ARHGAP10: variants seen among roughly 807,000 people sequenced by gnomAD.
ARHGAP10 encodes the protein rho GTPase-activating protein 10.
A neutral mutation model predicts 108.6 loss-of-function variants in ARHGAP10; 87 were observed. The ratio of observed to expected loss-of-function variants is 0.80; its 90% CI spans 0.67 to 0.96. The LOEUF (loss-of-function observed/expected upper bound fraction) is 0.96. Among genes scored for constraint, ARHGAP10 ranks in the 40% least tolerant of loss-of-function variants. ARHGAP10 has a pLI of 0.00. For synonymous variants in ARHGAP10, 347 were observed against 341.1 expected (o/e 1.02, Z -0.19); for missense variants, 939 against 954.5 (o/e 0.98, Z 0.21).
At chr4:147,821,049 T>TA (rs1179253524) in intron 1 of ARHGAP10, among the ~76,000 whole-genome samples, 3 of 152,178 alleles carry the variant, frequency 2.0e-5, no homozygotes, top group Non-Finnish European at 2.9e-5. Context: ...CTCATGCATG[T>TA]ACAGGGCTGG....
chr4:147,804,553 G>T (rs1025488064), intron 1 of ARHGAP10, among the ~76,000 whole-genome samples: 2 of 152,114 alleles, frequency 1.3e-5, no homozygotes, highest in African/African-American at 2.4e-5. Context: ...TGGTAGTTCT[G>T]TTTTAAGTTG....
At chr4:148,028,232 C>T (rs965498743) in intron 19 of ARHGAP10, among the ~76,000 whole-genome samples, 5 of 151,936 alleles carry the variant, frequency 3.3e-5, no homozygotes, top group Admixed American at 6.6e-5. Flanking sequence ...AGCAGAGAGC[C>T]GGAGCCAGGT....
intron 1 of ARHGAP10, among the ~76,000 whole-genome samples, chr4:147,743,931 AAT>A (rs1728801446): frequency 6.6e-6 from 1 of 152,234 alleles, no homozygotes; most frequent in South Asian, 2.1e-4. Context: ...AAAAATTAAA[AAT>A]ATATTCAGTC....
intron 18 of ARHGAP10, among the ~76,000 whole-genome samples, chr4:148,013,644 C>T (rs972392365): frequency 6.6e-6 from 1 of 152,008 alleles, no homozygotes; most frequent in Non-Finnish European, 1.5e-5. Flanking sequence ...GCTGAGGTTG[C>T]GCCACTGCAC....
chr4:147,887,324 T>A (rs1023048387), intron 10 of ARHGAP10, among the ~76,000 whole-genome samples: 10 of 152,090 alleles, frequency 6.6e-5, no homozygotes, highest in Admixed American at 2.0e-4. Flanking sequence ...TTCCATTTCC[T>A]CTTCCCATCT....
rs185745364 is a variant in ARHGAP10, at chr4:148,008,254, A to G, written c.1717-15009A>G. Among the ~76,000 whole-genome samples, 4 of 152,140 alleles carry G rather than the reference A, an allele frequency of 2.6e-5. No individual in the cohort carries two copies. In the East Asian group the frequency reaches 7.7e-4, roughly 29 times the overall value. ...TTCCAACCTGCTGAAAGCATCTTGG[A>G]TGCACTTCTTGCTCAGGAAATTAAT... On this transcript the variant is annotated intron_variant, in intron 18 of 22. Transcript: ENST00000336498.
intron 1 of ARHGAP10, among the ~76,000 whole-genome samples, chr4:147,738,278 G>A (rs1483251850): frequency 6.6e-6 from 1 of 152,204 alleles, no homozygotes; most frequent in South Asian, 2.1e-4. Flanking sequence ...AGGGCTGGGC[G>A]CGGTGGCTCA....
At chr4:148,061,154 G>T (rs763332951) in intron 20 of ARHGAP10, among the ~76,000 whole-genome samples, 8 of 151,436 alleles carry the variant, frequency 5.3e-5, no homozygotes, top group Admixed American at 1.3e-4. Flanking sequence ...TAAAATTTAT[G>T]CTCTTTATTT....
rs759498019 is a variant in ARHGAP10, at chr4:147,875,031, G to T, written c.713G>T (p.Arg238Leu). The stretch of plus-strand genomic sequence containing the variant: ...TTTAATCCATTTCAGACACGGAATC[G>T]ATTTGAAGGAACAAGGTCAGAAGTG... ...LQINIQNTRN[R>L]FEGTRSEVEE... is the part of the protein sequence containing the mutation. The change falls in exon 8 of 23, where the codon CGA (arginine) becomes CTA (leucine). Residue 238 changes from arginine to leucine, a missense_variant. Transcript: ENST00000336498. 3.1e-5 allele frequency: 50 copies of T among 1,587,776 alleles called. No individual in the cohort carries two copies. The highest frequency in any genetic ancestry group is 8.5e-7 in the Non-Finnish European group (1 of 1,172,656).
At chr4:147,975,176 T>TA (rs1223359367) in intron 18 of ARHGAP10, among the ~76,000 whole-genome samples, 2 of 152,236 alleles carry the variant, frequency 1.3e-5, no homozygotes, top group South Asian at 4.1e-4. Flanking sequence ...TTAGCCTTTG[T>TA]AATAGGGATT....
intron 13 of ARHGAP10, among the ~76,000 whole-genome samples, chr4:147,916,065 A>G (rs996562690): frequency 6.6e-6 from 1 of 152,232 alleles, no homozygotes; most frequent in African/African-American, 2.4e-5. Flanking sequence ...CTTGGAAAAC[A>G]GGTAAAGAGA....
chr4:147,775,845 A>T, intron 1 of ARHGAP10, among the ~76,000 whole-genome samples: 2 of 152,256 alleles, frequency 1.3e-5, no homozygotes, highest in South Asian at 4.2e-4. Flanking sequence ...ACTAATACTG[A>T]TAGAATGCTT....
chr4:147,882,708 A>G (rs1269430911), intron 10 of ARHGAP10, among the ~76,000 whole-genome samples: 1 of 151,898 alleles, frequency 6.6e-6, no homozygotes, highest in Non-Finnish European at 1.5e-5. Context: ...TTTTTTCCTT[A>G]TTGCATGACT....
At chr4:147,943,042 A>G (rs776991303) in intron 14 of ARHGAP10, among the ~76,000 whole-genome samples, 37 of 152,364 alleles carry the variant, frequency 2.4e-4, no homozygotes, top group Admixed American at 9.1e-4. Context: ...AGTTGTCTTT[A>G]GGTGAGTCAT....
intron 1 of ARHGAP10, among the ~76,000 whole-genome samples, chr4:147,746,564 A>G (rs1040713196): frequency 1.3e-5 from 2 of 150,938 alleles, no homozygotes; most frequent in African/African-American, 4.9e-5. Flanking sequence ...TAATTTTTGT[A>G]TTTTTAGTAG....
chr4:147,987,031 C>T (rs534126616), intron 18 of ARHGAP10, among the ~76,000 whole-genome samples: 7 of 152,240 alleles, frequency 4.6e-5, no homozygotes, highest in South Asian at 4.1e-4. Flanking sequence ...GGGATTATTG[C>T]GGATTGAACT....
chr4:148,052,803 G>A (rs1218604030), intron 20 of ARHGAP10, among the ~76,000 whole-genome samples: 1 of 152,112 alleles, frequency 6.6e-6, no homozygotes, highest in Non-Finnish European at 1.5e-5. Flanking sequence ...ATCTAAGGAA[G>A]AACAGGGGCC....
chr4:148,060,273 C>T (rs1298181462), intron 20 of ARHGAP10, among the ~76,000 whole-genome samples: 2 of 150,508 alleles, frequency 1.3e-5, no homozygotes, highest in Non-Finnish European at 1.5e-5. Context: ...AAAAATGTTT[C>T]GATTCTTCTT....
Position 147,732,376 on chromosome 4 carries a change from C to T in ARHGAP10, c.75C>T (p.His25=), listed in dbSNP as rs1272400135. The T allele has an allele frequency of 1.2e-6, 2 of 1,613,482 alleles. No individual in the cohort carries two copies. The highest frequency in any genetic ancestry group is 1.1e-5 in the South Asian group (1 of 91,036). ...SPWFRERIRA[H]EAELERTNKF... is the part of the protein sequence containing the mutation. ...GGTTCCGGGAGAGGATCCGCGCTCA[C>T]GAAGCGGAACTCGAGAGGACCAACA... The change falls in exon 1 of 23, where the codon CAC becomes CAT. Residue 25 remains histidine (H), a synonymous_variant. Transcript: ENST00000336498.
Sources: allele counts gnomAD v4.1 joint callset (sites outside exome capture counted in the v4.1 genomes callset), GRCh38; gene constraint gnomAD v4.1.1; transcripts MANE v1.5; gene names NCBI Gene and HGNC (gene_info 2026-07-23, HGNC 2026-07-21).